Variants in RIN3 observed in about 807,000 individuals in gnomAD.
RIN3 encodes RAB5 interacting protein 3.
RIN3 carries 54 observed loss-of-function variants against 76.3 expected under a neutral mutation model. The observed-to-expected ratio is 0.71, with a 90% CI of 0.57 to 0.89. The LOEUF is 0.89. Ranked by LOEUF, RIN3 falls within the 40% of genes least tolerant of loss-of-function variation. The pLI is 0.00. For synonymous variants in RIN3, 576 were observed against 564.0 expected (o/e 1.02, Z -0.30); for missense variants, 1,256 against 1,322.1 (o/e 0.95, Z 0.78).
chr14:92,670,934 G>A (rs776426598), intron 7 of RIN3, among the ~76,000 whole-genome samples: 45 of 152,324 alleles, frequency 3.0e-4, no homozygotes, highest in Non-Finnish European at 5.9e-4. Flanking sequence ...CAGAGAGCCA[G>A]TTGTTAAGCA....
chr14:92,637,831 T>C (rs1287446611), intron 4 of RIN3, among the ~76,000 whole-genome samples: 1 of 152,172 alleles, frequency 6.6e-6, no homozygotes, highest in Non-Finnish European at 1.5e-5. Flanking sequence ...TTGTAGAGAA[T>C]CAAATTTTAT....
At chr14:92,669,032 C>T (rs1321807542) in intron 7 of RIN3, among the ~76,000 whole-genome samples, 1 of 152,170 alleles carries the variant, frequency 6.6e-6, no homozygotes, top group Non-Finnish European at 1.5e-5. Context: ...AAGACCCAGC[C>T]CATGTTTTTA....
At chr14:92,614,094 C>T (rs1001386764) in intron 3 of RIN3, among the ~76,000 whole-genome samples, 7 of 152,220 alleles carry the variant, frequency 4.6e-5, no homozygotes, top group African/African-American at 1.7e-4. Flanking sequence ...CAGGCACTGA[C>T]GGTGGCATCC....
At chr14:92,667,727 A>G (rs187610921) in intron 7 of RIN3, among the ~76,000 whole-genome samples, 9 of 152,318 alleles carry the variant, frequency 5.9e-5, no homozygotes, top group Non-Finnish European at 1.0e-4. Flanking sequence ...CTAACTCAAT[A>G]GAAGTGTACT....
Position 92,641,320 on chromosome 14 carries a change from C to G in RIN3, c.523C>G (p.Leu175Val). The change falls in exon 5 of 10, where the codon CTG becomes GTG. Residue 175 changes from leucine to valine, a missense_variant. Leu to Val is a conservative substitution (Grantham distance 32). Coordinates refer to ENST00000216487, the MANE Select transcript of RIN3 (RefSeq NM_024832.5). The stretch of plus-strand genomic sequence containing the variant: ...CACGGACCTTGAGACCATCGCCAAC[C>G]TGGGTCTGGGTGAGTCTTCTCCGAG... ...SFTDLETIANLGLGFWDSSLN... is the reference protein window; with the variant it reads ...SFTDLETIANVGLGFWDSSLN... 1 of 1,613,442 alleles carries G rather than the reference C, an allele frequency of 6.2e-7. No homozygotes were observed. The highest frequency in any genetic ancestry group is 8.5e-7 in the Non-Finnish European group (1 of 1,179,332).
chr14:92,524,847 G>A (rs1052225754), intron 1 of RIN3, among the ~76,000 whole-genome samples: 2 of 152,218 alleles, frequency 1.3e-5, no homozygotes, highest in Non-Finnish European at 2.9e-5. Context: ...CACCCAGGCC[G>A]CTCCATGGCA....
intron 3 of RIN3, among the ~76,000 whole-genome samples, chr14:92,614,490 C>A (rs1300093496): frequency 5.3e-5 from 8 of 152,252 alleles, no homozygotes; most frequent in South Asian, 4.1e-4. Flanking sequence ...TATATTAACA[C>A]CAGCTATCCT....
At chr14:92,607,185 A>G (rs1377952073) in intron 3 of RIN3, among the ~76,000 whole-genome samples, 1 of 152,248 alleles carries the variant, frequency 6.6e-6, no homozygotes, top group African/African-American at 2.4e-5. Flanking sequence ...GAGAAATGCA[A>G]ATTAAAACCA....
chr14:92,567,129 A>G (rs1213536733), intron 2 of RIN3, among the ~76,000 whole-genome samples: 1 of 152,102 alleles, frequency 6.6e-6, no homozygotes, highest in Non-Finnish European at 1.5e-5. Context: ...TTGGCTGTAG[A>G]GTGAGGGGCT....
chr14:92,652,020 C>T lies in RIN3; in HGVS notation c.971C>T (p.Pro324Leu). The change falls in exon 6 of 10, where the codon CCC (proline) becomes CTC (leucine). Residue 324 changes from proline to leucine, a missense_variant. Coordinates refer to ENST00000216487, the MANE Select transcript of RIN3 (RefSeq NM_024832.5). The surrounding 1 kb of genome is among the most constrained non-coding windows in gnomAD (Gnocchi z 6.4). ...CCAGTGCCTGCCCCCCACGTCACACCCCATGCCCCAGGTCCCCCAGACCAT... is the reference window on the plus strand; with the variant it reads ...CCAGTGCCTGCCCCCCACGTCACACTCCATGCCCCAGGTCCCCCAGACCAT... ...SPPVPAPHVT[P>L]HAPGPPDHPN... 1 of 1,592,112 alleles carries T rather than the reference C, an allele frequency of 6.3e-7. No homozygotes were observed. The highest frequency in any genetic ancestry group is 8.5e-7 in the Non-Finnish European group (1 of 1,170,728).
In RIN3 at chr14:92,662,703, A is replaced by G. The variant is rs535558773; in HGVS notation, c.2335+3234A>G. 2.6e-5 allele frequency among the ~76,000 whole-genome samples: 4 copies of G among 152,336 alleles called. No homozygotes were observed. The East Asian group carries it at 7.7e-4, about 29-fold the overall frequency. On this transcript the variant is annotated intron_variant, in intron 7 of 9. Transcript: ENST00000216487. ...CCAAGGGTTTTACAGACGCTGAGAC[A>G]TGATGAGGGAGACAGCTTTGCGCTG...
chr14:92,522,304 C>T (rs58394833), intron 1 of RIN3, among the ~76,000 whole-genome samples: 23,868 of 151,994 alleles, frequency 0.16, 6,217 homozygotes, highest in African/African-American at 0.54. Context: ...GGGGGGCTCT[C>T]ACCTGTATGT....
intron 4 of RIN3, among the ~76,000 whole-genome samples, chr14:92,619,986 G>A (rs887167091): frequency 1.3e-5 from 2 of 152,154 alleles, no homozygotes; most frequent in African/African-American, 2.4e-5. Context: ...AGACATTTGT[G>A]TTTTACCAAT....
intron 3 of RIN3, among the ~76,000 whole-genome samples, chr14:92,580,501 A>T (rs978573376): frequency 6.6e-6 from 1 of 152,262 alleles, no homozygotes; most frequent in Non-Finnish European, 1.5e-5. Context: ...ATAAGCAAGT[A>T]ACCATCCAGG....
intron 3 of RIN3, among the ~76,000 whole-genome samples, chr14:92,608,541 A>ATT (rs33922410): frequency 0.028 from 4,206 of 148,366 alleles, 192 homozygotes; most frequent in African/African-American, 0.098. Context: ...CTTTTTTAGC[A>ATT]TTTTTTTTTT....
chr14:92,577,739 G>A (rs1898299634), intron 3 of RIN3, among the ~76,000 whole-genome samples: 1 of 152,180 alleles, frequency 6.6e-6, no homozygotes, highest in Non-Finnish European at 1.5e-5. Context: ...GTTTCTTCTT[G>A]TTAGCTCAAT....
chr14:92,653,143 A>G, intron 6 of RIN3, 68 bp downstream of exon 6: 6 of 1,470,416 alleles, frequency 4.1e-6, no homozygotes, highest in Non-Finnish European at 5.4e-6. Context: ...GGAACCCCTT[A>G]GGACAAAAGA....
chr14:92,607,193 C>T (rs1401309328), intron 3 of RIN3, among the ~76,000 whole-genome samples: 1 of 152,144 alleles, frequency 6.6e-6, no homozygotes, highest in Non-Finnish European at 1.5e-5. Context: ...CAAATTAAAA[C>T]CACAATGAGA....
chr14:92,600,051 C>T (rs1226154000), intron 3 of RIN3, among the ~76,000 whole-genome samples: 1 of 152,206 alleles, frequency 6.6e-6, no homozygotes, highest in Non-Finnish European at 1.5e-5. Context: ...CCCTCCAGTT[C>T]TATGCCTGTG....
Sources: gnomAD v4.1 joint callset for allele counts (sites outside exome capture counted in the v4.1 genomes callset) on GRCh38, gnomAD v4.1.1 for gene constraint, Gnocchi (gnomAD v3.1) non-coding constraint, MANE v1.5 for transcripts, NCBI Gene and HGNC (gene_info 2026-07-23, HGNC 2026-07-21) for gene names.